Variants in NELL2 observed in about 807,000 individuals in gnomAD.
The protein encoded by NELL2 is neural EGFL like 2, also known as protein kinase C-binding protein NELL2.
In NELL2, 41 loss-of-function variants were observed where a neutral mutation model predicts 109.6. That is an observed-to-expected ratio of 0.37 (90% CI 0.29 to 0.49). The LOEUF is 0.49. Ranked by LOEUF, NELL2 falls within the 20% of genes least tolerant of loss-of-function variation. The pLI, the probability that NELL2 is intolerant of heterozygous loss-of-function variation, is 0.98. For missense variants in NELL2, 900 were observed against 1,008.3 expected (o/e 0.89, Z 1.45); for synonymous variants, 355 against 344.7 (o/e 1.03, Z -0.33).
chr12:44,815,958 C>T (rs1207645364), intron 3 of NELL2, 28 bp downstream of exon 3: 1 of 1,594,900 alleles, frequency 6.3e-7, no homozygotes, highest in South Asian at 1.2e-5. Context: ...ATAATGAAAA[C>T]ACAGGAAACT....
At chr12:44,759,731 T>C (rs982812952) in intron 9 of NELL2, among the ~76,000 whole-genome samples, 6 of 152,212 alleles carry the variant, frequency 3.9e-5, no homozygotes, top group African/African-American at 1.4e-4. Flanking sequence ...AGATCCTCCA[T>C]AACCTAACAC....
chr12:44,534,031 T>C (rs1205194693), intron 15 of NELL2, among the ~76,000 whole-genome samples: 3 of 152,076 alleles, frequency 2.0e-5, no homozygotes, highest in Non-Finnish European at 4.4e-5. Flanking sequence ...CAAGATGCTT[T>C]TTAGAGACCT....
At chr12:44,586,968 T>A (rs10736021) in intron 15 of NELL2, among the ~76,000 whole-genome samples, 46,169 of 151,820 alleles carry the variant, frequency 0.3, 7,138 homozygotes, top group South Asian at 0.41. Flanking sequence ...GAGTAAGGTA[T>A]TGACTTAAAT....
At chr12:44,546,544 A>T (rs183320966) in intron 15 of NELL2, among the ~76,000 whole-genome samples, 1 of 152,324 alleles carries the variant, frequency 6.6e-6, no homozygotes, top group East Asian at 1.9e-4. Flanking sequence ...TACATGAAAC[A>T]GGCTATGTGT....
At chr12:44,585,601 G>A (rs1944465235) in intron 15 of NELL2, among the ~76,000 whole-genome samples, 1 of 152,222 alleles carries the variant, frequency 6.6e-6, no homozygotes, top group Non-Finnish European at 1.5e-5. Flanking sequence ...AGAACTAAAT[G>A]TATTGATTGA....
chr12:44,821,888 TA>T (rs1555223055), intron 2 of NELL2, among the ~76,000 whole-genome samples: 2 of 58,046 alleles, frequency 3.4e-5, no homozygotes, highest in Admixed American at 2.0e-4. Flanking sequence ...CGGCTGGTTT[TA>T]TTTATTTATT....
chr12:44,876,993 GC>G (rs1330209283), upstream of NELL2: 26 of 756,828 alleles, frequency 3.4e-5, no homozygotes, highest in Non-Finnish European at 4.4e-5. Context: ...GCCAGGAGGT[GC>G]TGGACAGCTC....
At chr12:44,887,644 G>C (rs1592704913) in intron 1 of NELL2, among the ~76,000 whole-genome samples, 2 of 151,402 alleles carry the variant, frequency 1.3e-5, no homozygotes, top group African/African-American at 4.9e-5. Context: ...TATTGTGTGT[G>C]TGTGTGTGTG....
At chr12:44,732,763 CA>C (rs1378135256) in intron 9 of NELL2, among the ~76,000 whole-genome samples, 1 of 151,914 alleles carries the variant, frequency 6.6e-6, no homozygotes, top group African/African-American at 2.4e-5. Context: ...GAATGAAAGG[CA>C]GCCTATGGAA....
At chr12:44,869,673 G>T (rs1368533935) in intron 2 of NELL2, among the ~76,000 whole-genome samples, 4 of 152,040 alleles carry the variant, frequency 2.6e-5, no homozygotes, top group African/African-American at 4.8e-5. Flanking sequence ...TGGTTGAGGG[G>T]ATCTATGAGT....
intron 9 of NELL2, among the ~76,000 whole-genome samples, chr12:44,755,510 C>A (rs758009332): frequency 9.2e-4 from 139 of 151,594 alleles, no homozygotes; most frequent in Non-Finnish European, 1.6e-3. Flanking sequence ...ACCTATCCTG[C>A]ACCCTGGCCT....
chr12:44,877,012 C>T (rs1945348160), upstream of NELL2: 2 of 492,678 alleles, frequency 4.1e-6, no homozygotes, highest in African/African-American at 4.0e-5. Context: ...CTCCGGAACC[C>T]GCGCGCCCCC....
chr12:44,616,513 G>T (rs1177994255), intron 13 of NELL2, among the ~76,000 whole-genome samples: 1 of 152,084 alleles, frequency 6.6e-6, no homozygotes, highest in Non-Finnish European at 1.5e-5. Context: ...CTGAGAAAAA[G>T]CTCCCTTAGA....
upstream of NELL2, chr12:44,881,020 G>A (rs1351466976): frequency 6.6e-6 from 1 of 151,968 alleles, no homozygotes; most frequent in African/African-American, 2.4e-5. Flanking sequence ...CCATTACCCA[G>A]GTCACAGGCT....
chr12:44,862,469 C>G (rs369352643), intron 2 of NELL2, among the ~76,000 whole-genome samples: 2 of 152,276 alleles, frequency 1.3e-5, no homozygotes, highest in African/African-American at 4.8e-5. Context: ...TCTGATGAAT[C>G]TGATTTTTCC....
intron 15 of NELL2, among the ~76,000 whole-genome samples, chr12:44,577,301 G>A (rs1441517909): frequency 8.1e-6 from 1 of 124,200 alleles, no homozygotes; most frequent in Non-Finnish European, 1.7e-5. Context: ...GGCCAGTGAT[G>A]ATGAGCATTT....
In NELL2 at chr12:44,520,067, C is replaced by T; in HGVS notation, c.2338G>A (p.Val780Ile). Reference sequence around the variant, plus strand: ...ATCCAAGAGGACCCGGTGAAGCGAACCACATTCATTTCGTCCAGGCAAGTC... The same window carrying T: ...ATCCAAGAGGACCCGGTGAAGCGAATCACATTCATTTCGTCCAGGCAAGTC... ...TKTCLDEMNV[V>I]RFTGSSWIKH... The change falls in exon 19 of 20, where the codon GTT becomes ATT. Residue 780 changes from valine (V) to isoleucine (I), a missense_variant. Val to Ile is a conservative substitution (Grantham distance 29). Around this residue, in one of 4 missense-constraint regions of NELL2, gnomAD observed 333 missense variants for 432.3 expected, o/e 0.77. Transcript: ENST00000429094. The T allele has an allele frequency of 6.2e-7, 1 of 1,614,144 alleles. No individual in the cohort carries two copies. The highest frequency in any genetic ancestry group is 8.5e-7 in the Non-Finnish European group (1 of 1,180,034).
chr12:44,810,292 AATT>A (rs1454231009), intron 3 of NELL2, among the ~76,000 whole-genome samples: 3 of 152,098 alleles, frequency 2.0e-5, no homozygotes, highest in Admixed American at 2.0e-4. Flanking sequence ...TCTAATCAAA[AATT>A]ATTGTCAACT....
chr12:44,561,731 A>G (rs1943473983), intron 15 of NELL2, among the ~76,000 whole-genome samples: 1 of 152,240 alleles, frequency 6.6e-6, no homozygotes, highest in African/African-American at 2.4e-5. Flanking sequence ...TATAGTGAAA[A>G]TGGCCACACT....
Sources: allele counts gnomAD v4.1 joint callset (sites outside exome capture counted in the v4.1 genomes callset), GRCh38; gene constraint gnomAD v4.1.1; regional missense constraint gnomAD v4.1.1; transcripts MANE v1.5; gene names NCBI Gene and HGNC (gene_info 2026-07-23, HGNC 2026-07-21).